CNOT6L: variants seen among roughly 807,000 people sequenced by gnomAD.
CNOT6L encodes CCR4-NOT transcription complex subunit 6 like, also known as CCR4-NOT transcription complex subunit 6-like.
A neutral mutation model predicts 64.0 loss-of-function variants in CNOT6L; 7 were observed. That is an observed-to-expected ratio of 0.11 (90% CI 0.06 to 0.21). The LOEUF (loss-of-function observed/expected upper bound fraction) is 0.21. CNOT6L is among the 10% of genes least tolerant of loss of function. CNOT6L has a pLI of 1.00. For synonymous variants in CNOT6L, 193 were observed against 243.4 expected, an observed-to-expected ratio of 0.79 and a Z score of 1.93; for missense variants, 245 against 669.0, an observed-to-expected ratio of 0.37 and a Z score of 6.99.
chr4:77,801,069 T>C (rs532545776), intron 1 of CNOT6L, among the ~76,000 whole-genome samples: 28 of 152,254 alleles, frequency 1.8e-4, no homozygotes, highest in East Asian at 7.7e-4. Flanking sequence ...AACTTTAAAA[T>C]TGCTCCTAAA....
rs1263592123 is a variant in CNOT6L at position 77,774,511 on chromosome 4, G to A, written c.314+19C>T. 8.9e-6 allele frequency: 14 copies of A among 1,569,138 alleles called. No homozygotes were observed. Among genetic ancestry groups the A allele is most frequent in the Non-Finnish European group, 1.2e-5 (14 of 1,157,858 alleles). ...TTTAGAATTTTATATAGTGAGTCAT[G>A]TCTGTTTTATTTCCTCACCTGAGAG... is the stretch of plus-strand genomic sequence containing the variant. On this transcript the variant is annotated intron_variant, in intron 3 of 11. Transcript: ENST00000504123.
At chr4:77,803,998 A>G (rs1408321262) in intron 1 of CNOT6L, among the ~76,000 whole-genome samples, 1 of 152,194 alleles carries the variant, frequency 6.6e-6, no homozygotes, top group Non-Finnish European at 1.5e-5. Flanking sequence ...AAACACAGAA[A>G]TACGTATGAC....
chr4:77,813,146 G>A (rs538895104), intron 1 of CNOT6L, among the ~76,000 whole-genome samples: 112 of 152,214 alleles, frequency 7.4e-4, no homozygotes, highest in African/African-American at 1.9e-3. Context: ...GTACCCACAG[G>A]CAAAGAGATA....
intron 4 of CNOT6L, among the ~76,000 whole-genome samples, chr4:77,757,300 C>A (rs143044387): frequency 1.3e-5 from 2 of 151,972 alleles, no homozygotes; most frequent in Non-Finnish European, 2.9e-5. Context: ...CACAGACAAA[C>A]TCAAATAGCC....
At chr4:77,737,184 CACACAAAGTTAA>C (rs1723047414) in intron 8 of CNOT6L, among the ~76,000 whole-genome samples, 1 of 152,134 alleles carries the variant, frequency 6.6e-6, no homozygotes. Flanking sequence ...ATAGTATAAT[CACACAAAGTTAA>C]CTCTGACCCT....
At chr4:77,807,620 C>T (rs901990149) in intron 1 of CNOT6L, among the ~76,000 whole-genome samples, 4 of 152,166 alleles carry the variant, frequency 2.6e-5, no homozygotes, top group African/African-American at 9.7e-5. Flanking sequence ...ATATATAAAG[C>T]ACAGACCACG....
chr4:77,794,132 C>A (rs1363862334), intron 1 of CNOT6L, among the ~76,000 whole-genome samples: 1 of 99,086 alleles, frequency 1.0e-5, no homozygotes, highest in Non-Finnish European at 1.8e-5. Flanking sequence ...AGCCTGGCAA[C>A]AGAGTAAGAC....
At chr4:77,761,871 A>G (rs1458492747) in intron 4 of CNOT6L, among the ~76,000 whole-genome samples, 1 of 152,204 alleles carries the variant, frequency 6.6e-6, no homozygotes, top group Non-Finnish European at 1.5e-5. Flanking sequence ...TCCAAGAAAA[A>G]GTAAATTTAC....
intron 8 of CNOT6L, among the ~76,000 whole-genome samples, chr4:77,737,935 A>G (rs1723160083): frequency 6.6e-6 from 1 of 152,194 alleles, no homozygotes; most frequent in Non-Finnish European, 1.5e-5. Flanking sequence ...TCTAAATGCA[A>G]CAACCACCTA....
chr4:77,793,699 G>T (rs1306513593), intron 1 of CNOT6L, among the ~76,000 whole-genome samples: 3 of 152,158 alleles, frequency 2.0e-5, no homozygotes, highest in Non-Finnish European at 4.4e-5. Flanking sequence ...GGGTAGGGGA[G>T]CTGAGAAAGA....
rs1166091405 is a variant in CNOT6L at position 77,717,423 on chromosome 4, C to A, written c.*3008G>T. On this transcript the variant is annotated 3_prime_UTR_variant, in exon 12 of 12. Transcript: ENST00000504123. ...TTTTAAGAACATTCCGGTTCTTAGA[C>A]AAATATCGAAATAATATTTAACAGT... is the stretch of plus-strand genomic sequence containing the variant. 2.6e-5 allele frequency: 4 copies of A among 152,380 alleles called. No individual in the cohort carries two copies. The highest frequency in any genetic ancestry group is 7.3e-5 in the African/African-American group (3 of 41,372). The allele number at this position is 152,380 out of a possible 1,614,324, so 9.4% of individuals were successfully genotyped here. A position where few individuals can be genotyped will look rare whatever the true frequency, so the allele number is the denominator to read the frequency against.
chr4:77,773,210 T>G (rs1419139856), intron 3 of CNOT6L, 44 bp from the exon 4 acceptor site: 1 of 1,198,226 alleles, frequency 8.3e-7, no homozygotes, highest in Admixed American at 2.7e-5. Context: ...ATACTAAGTT[T>G]TATTAACATC....
At chr4:77,746,712 G>A (rs982331396) in intron 6 of CNOT6L, among the ~76,000 whole-genome samples, 1 of 152,078 alleles carries the variant, frequency 6.6e-6, no homozygotes, top group African/African-American at 2.4e-5. Flanking sequence ...ATTAGAAAAT[G>A]GTGTTTTTAA....
In CNOT6L at chr4:77,716,597, G is replaced by T. The variant is rs1184104442; in HGVS notation, c.*3834C>A. 1.3e-5 allele frequency: 2 copies of T among 152,180 alleles called. No homozygotes were observed. The highest frequency in any genetic ancestry group is 2.9e-5 in the Non-Finnish European group (2 of 67,960). The allele number at this position is 152,180 out of a possible 1,614,324, so 9.4% of individuals were successfully genotyped here. A position where few individuals can be genotyped will look rare whatever the true frequency, so the allele number is the denominator to read the frequency against. On this transcript the variant is annotated 3_prime_UTR_variant, in exon 12 of 12. Transcript: ENST00000504123. ...AATTTTAAAATGGAACACTATATTT[G>T]CCCATGTTCCAGTTTTAATGTGCCA... is the stretch of plus-strand genomic sequence containing the variant.
intron 8 of CNOT6L, among the ~76,000 whole-genome samples, chr4:77,734,629 T>A (rs994045638): frequency 6.6e-6 from 1 of 152,302 alleles, no homozygotes; most frequent in South Asian, 2.1e-4. Context: ...AGAGCGGCAA[T>A]CTTTACCTCA....
chr4:77,732,765 G>A (rs369422128), intron 8 of CNOT6L, among the ~76,000 whole-genome samples: 15 of 152,044 alleles, frequency 9.9e-5, no homozygotes, highest in South Asian at 4.1e-4. Flanking sequence ...AAATGTGAAA[G>A]GTCCTGAGAC....
At chr4:77,795,951 G>GT (rs148240869) in intron 1 of CNOT6L, among the ~76,000 whole-genome samples, 3,290 of 151,338 alleles carry the variant, frequency 0.022, 113 homozygotes, top group African/African-American at 0.075. Context: ...ACCTAAGGTG[G>GT]TTTTTTTTTA....
At chr4:77,809,340 T>C (rs1732637505) in intron 1 of CNOT6L, among the ~76,000 whole-genome samples, 1 of 152,176 alleles carries the variant, frequency 6.6e-6, no homozygotes, top group African/African-American at 2.4e-5. Context: ...CTCCATTCCC[T>C]GGTAGAAAGA....
At chr4:77,767,062 CAAAAAAA>C (rs56926683) in intron 4 of CNOT6L, among the ~76,000 whole-genome samples, 13 of 25,962 alleles carry the variant, frequency 5.0e-4, no homozygotes, top group Non-Finnish European at 8.4e-4. Context: ...AACTCCGTCT[CAAAAAAA>C]AAAAAAAAAA....
Sources: allele counts gnomAD v4.1 joint callset (sites outside exome capture counted in the v4.1 genomes callset), GRCh38; gene constraint gnomAD v4.1.1; transcripts MANE v1.5; gene names NCBI Gene and HGNC (gene_info 2026-07-23, HGNC 2026-07-21).